The following ASXL2 variants were observed in gnomAD, a reference collection of about 807,000 sequenced individuals.
ASXL2 encodes ASXL transcriptional regulator 2.
Under a neutral mutation model 122.0 loss-of-function variants are expected in ASXL2, and 23 were observed. The observed-to-expected ratio is 0.19, with a 90% CI of 0.14 to 0.27. The LOEUF (loss-of-function observed/expected upper bound fraction) is 0.27, where lower values mean the gene tolerates loss of function less well. Among genes scored for constraint, ASXL2 ranks in the 10% least tolerant of loss-of-function variants. The pLI, the probability that ASXL2 is intolerant of heterozygous loss-of-function variation, is 1.00. For missense variants in ASXL2, 1,518 were observed against 1,713.8 expected, an observed-to-expected ratio of 0.89 and a Z score of 2.02; for synonymous variants, 650 against 637.0, an observed-to-expected ratio of 1.02 and a Z score of -0.31.
chr2:25,871,390 T>A (rs1160164810), intron 1 of ASXL2, among the ~76,000 whole-genome samples: 1 of 152,182 alleles, frequency 6.6e-6, no homozygotes, highest in Non-Finnish European at 1.5e-5. Context: ...AACCTGAGGT[T>A]ATTTTCTCAA....
rs1215410855 is a variant in ASXL2, at chr2:25,741,688, GTCACAA to G, written c.*335_*340del. The G allele has an allele frequency of 3.7e-6, 1 of 271,176 alleles. No individual in the cohort carries two copies. The highest frequency in any genetic ancestry group is 5.3e-5 in the East Asian group (1 of 18,740). 16.8% of individuals were successfully genotyped at this position (271,176 alleles called of 1,614,324 possible). A position where few individuals can be genotyped will look rare whatever the true frequency, so the allele number is the denominator to read the frequency against. On this transcript the variant is annotated 3_prime_UTR_variant, in exon 13 of 13. Coordinates refer to ENST00000435504, the MANE Select transcript of ASXL2 (RefSeq NM_018263.6). Reference sequence around the variant, plus strand: ...CCATGCCGGCATTAAACTTTTCTCAGTCACAAGTAGTAGAACATTAATCTGAATTCA... The same window carrying G: ...CCATGCCGGCATTAAACTTTTCTCAGGTAGTAGAACATTAATCTGAATTCA...
rs192159517 is a variant in ASXL2 at position 25,764,741 on chromosome 2, T to C, written c.775+2842A>G. Among the ~76,000 whole-genome samples the C allele has an allele frequency of 2.4e-3, 366 of 152,350 alleles. 1 individual carries two copies. Among genetic ancestry groups the C allele is most frequent in the Non-Finnish European group, 4.2e-3 (286 of 68,028 alleles). On this transcript the variant is annotated intron_variant, in intron 8 of 12. Coordinates refer to ENST00000435504, the MANE Select transcript of ASXL2 (RefSeq NM_018263.6). The stretch of plus-strand genomic sequence containing the variant: ...AACAGCTTTGTTTGCTTTTCCCATA[T>C]AATTAATGGAATTGGACTGTCAACC...
intron 5 of ASXL2, among the ~76,000 whole-genome samples, chr2:25,791,663 A>T (rs999216859): frequency 6.6e-6 from 1 of 152,054 alleles, no homozygotes; most frequent in Admixed American, 6.6e-5. Flanking sequence ...TCTTGCCTTT[A>T]TATATGTTTT....
At chr2:25,832,854 T>C (rs2089470253) in intron 3 of ASXL2, among the ~76,000 whole-genome samples, 1 of 151,888 alleles carries the variant, frequency 6.6e-6, no homozygotes, top group African/African-American at 2.4e-5. Flanking sequence ...TACTCGGCAA[T>C]AAAAAAGAAT....
At chr2:25,816,598 GC>G (rs1279437774) in intron 3 of ASXL2, among the ~76,000 whole-genome samples, 1 of 152,128 alleles carries the variant, frequency 6.6e-6, no homozygotes, top group Non-Finnish European at 1.5e-5. Flanking sequence ...CAATAACTAA[GC>G]CCCAGTTAAC....
At chr2:25,873,427 C>T (rs2089980444) in intron 1 of ASXL2, among the ~76,000 whole-genome samples, 1 of 152,082 alleles carries the variant, frequency 6.6e-6, no homozygotes, top group African/African-American at 2.4e-5. Flanking sequence ...AATAATATTT[C>T]CATTTTCTAC....
chr2:25,800,993 C>T (rs887336669), intron 4 of ASXL2, among the ~76,000 whole-genome samples: 1 of 152,220 alleles, frequency 6.6e-6, no homozygotes, highest in Non-Finnish European at 1.5e-5. Flanking sequence ...GTAGTGCAAT[C>T]ACAGCTCACT....
At chr2:25,788,973 A>G (rs905468683) in intron 5 of ASXL2, among the ~76,000 whole-genome samples, 3 of 152,058 alleles carry the variant, frequency 2.0e-5, no homozygotes, top group African/African-American at 4.8e-5. Context: ...GATATTTAAT[A>G]GTTTAATTCT....
At chr2:25,849,109 T>C (rs1339092663) in intron 1 of ASXL2, among the ~76,000 whole-genome samples, 1 of 131,584 alleles carries the variant, frequency 7.6e-6, no homozygotes, top group East Asian at 2.9e-4. Context: ...AAAATGTTTA[T>C]CACAGTTTCC....
intron 1 of ASXL2, among the ~76,000 whole-genome samples, chr2:25,862,037 C>T (rs2149200286): frequency 6.6e-6 from 1 of 152,220 alleles, no homozygotes; most frequent in East Asian, 1.9e-4. Context: ...CATATTATTC[C>T]TATATTTAAA....
At chr2:25,782,047 C>A (rs1478315816) in intron 5 of ASXL2, among the ~76,000 whole-genome samples, 1 of 141,866 alleles carries the variant, frequency 7.0e-6, no homozygotes, top group East Asian at 2.1e-4. Flanking sequence ...CTCAAGTGAT[C>A]CTCCTGCCCT....
chr2:25,770,733 CAAAA>C (rs2088434203), intron 6 of ASXL2, among the ~76,000 whole-genome samples: 1 of 151,768 alleles, frequency 6.6e-6, no homozygotes, highest in Non-Finnish European at 1.5e-5. Flanking sequence ...TCAAAAAAGA[CAAAA>C]AGAAAGAAAA....
intron 3 of ASXL2, among the ~76,000 whole-genome samples, chr2:25,814,654 GT>G (rs2089212196): frequency 6.6e-6 from 1 of 152,182 alleles, no homozygotes; most frequent in African/African-American, 2.4e-5. Flanking sequence ...ATACTAATAT[GT>G]TTTGTACATA....
rs1396297903 is a variant in ASXL2, at chr2:25,743,082, G to C, written c.3255C>G (p.Pro1085=). 6.2e-7 allele frequency: 1 copy of C among 1,613,902 alleles called. No individual in the cohort carries two copies. Among genetic ancestry groups the C allele is most frequent in the African/African-American group, 1.3e-5 (1 of 74,918 alleles). The change falls in exon 13 of 13, where the codon CCC becomes CCG. Residue 1085 remains proline, a synonymous_variant. Coordinates refer to ENST00000435504, the MANE Select transcript of ASXL2 (RefSeq NM_018263.6). The part of the protein sequence containing the change: ...RRQNLLSVVP[P]SQFNFAHSGF... ...CTGAGTGAGCGAAGTTGAACTGTGA[G>C]GGCGGCACAACTGAGAGAAGATTCT...
chr2:25,841,113 C>T (rs986978807), intron 2 of ASXL2, among the ~76,000 whole-genome samples: 21 of 152,086 alleles, frequency 1.4e-4, no homozygotes, highest in Non-Finnish European at 2.2e-4. Flanking sequence ...GCCTGGATGG[C>T]GAAACCCTTG....
Position 25,735,176 on chromosome 2 carries a change from T to C in ASXL2, c.*6853A>G, listed in dbSNP as rs2087715169. On this transcript the variant is annotated 3_prime_UTR_variant, in exon 13 of 13. Transcript: ENST00000435504. The stretch of plus-strand genomic sequence containing the variant: ...TTTTTCTTCCTGTTACAAGATCTCC[T>C]TCCAGGGAATGCCTTTTTAGGTTAA... 6.6e-6 allele frequency: 1 copy of C among 152,218 alleles called. No individual in the cohort carries two copies. Among genetic ancestry groups the C allele is most frequent in the Non-Finnish European group, 1.5e-5 (1 of 68,046 alleles). The allele number at this position is 152,218 out of a possible 1,614,324, so 9.4% of individuals were successfully genotyped here.
At chr2:25,866,134 CTTTT>C (rs779728638) in intron 1 of ASXL2, among the ~76,000 whole-genome samples, 13 of 141,296 alleles carry the variant, frequency 9.2e-5, no homozygotes, top group African/African-American at 2.6e-4. Context: ...TTTCTTTTTT[CTTTT>C]TTTTTTTTTT....
intron 1 of ASXL2, among the ~76,000 whole-genome samples, chr2:25,862,548 G>C (rs2089851899): frequency 6.6e-6 from 1 of 152,146 alleles, no homozygotes; most frequent in Admixed American, 6.6e-5. Flanking sequence ...AATGCCTATT[G>C]TGTGCATACT....
chr2:25,787,265 G>A (rs1559511249), intron 5 of ASXL2, among the ~76,000 whole-genome samples: 1 of 152,154 alleles, frequency 6.6e-6, no homozygotes, highest in Non-Finnish European at 1.5e-5. Flanking sequence ...ATGAGGCAAT[G>A]TCTCTTCCCA....
Sources: allele counts gnomAD v4.1 joint callset (sites outside exome capture counted in the v4.1 genomes callset), GRCh38; gene constraint gnomAD v4.1.1; transcripts MANE v1.5; gene names NCBI Gene and HGNC (gene_info 2026-07-23, HGNC 2026-07-21).